Variants in RIMS1 observed in about 807,000 individuals in gnomAD.
The protein encoded by RIMS1 is regulating synaptic membrane exocytosis protein 1.
In RIMS1, 83 loss-of-function variants were observed where a neutral mutation model predicts 214.1. That is an observed-to-expected ratio of 0.39 (90% confidence interval 0.32 to 0.47). The LOEUF is 0.47. RIMS1 is among the 20% of genes least tolerant of loss of function. The pLI, the probability that RIMS1 is intolerant of heterozygous loss-of-function variation, is 0.99. For missense variants in RIMS1, 2,050 were observed against 2,161.8 expected (o/e 0.95, Z 1.03); for synonymous variants, 793 against 786.8 (o/e 1.01, Z -0.13).
chr6:71,973,100 G>A (rs955985740), intron 2 of RIMS1, among the ~76,000 whole-genome samples: 4 of 152,328 alleles, frequency 2.6e-5, no homozygotes, highest in Admixed American at 1.3e-4. Flanking sequence ...AGTAGAGACA[G>A]GGTTTCACCA....
intron 2 of RIMS1, among the ~76,000 whole-genome samples, chr6:72,077,129 T>A (rs529752354): frequency 1.3e-5 from 2 of 152,206 alleles, no homozygotes; most frequent in South Asian, 4.2e-4. Context: ...CCCACATGAG[T>A]GGAAGGCGTG....
intron 1 of RIMS1, 107 bp downstream of exon 1, chr6:71,887,294 G>A: frequency 1.4e-6 from 2 of 1,441,702 alleles, no homozygotes; most frequent in Non-Finnish European, 1.9e-6. Flanking sequence ...GGCTGCCAGG[G>A]TGCTGGGTGC....
At chr6:72,181,831 G>A (rs2048447545) in intron 5 of RIMS1, among the ~76,000 whole-genome samples, 1 of 152,184 alleles carries the variant, frequency 6.6e-6, no homozygotes, top group African/African-American at 2.4e-5. Flanking sequence ...AGGTAGAGAT[G>A]AGAAAAAGTA....
chr6:72,286,051 G>T (rs2092200624), intron 24 of RIMS1, among the ~76,000 whole-genome samples: 1 of 152,120 alleles, frequency 6.6e-6, no homozygotes, highest in Non-Finnish European at 1.5e-5. Context: ...TACAAAAGTA[G>T]CTGGGCCTGG....
chr6:72,155,565 C>T lies in RIMS1; in HGVS notation c.472-24010C>T, dbSNP rs922095285. 8.5e-5 allele frequency among the ~76,000 whole-genome samples: 12 copies of T among 141,334 alleles called. 1 individual carries two copies. Among genetic ancestry groups the T allele is most frequent in the African/African-American group, 2.9e-4 (12 of 40,746 alleles). 92.7% of individuals were successfully genotyped at this position (141,334 alleles called of 152,430 possible). On this transcript the variant is annotated intron_variant, in intron 4 of 33. Transcript: ENST00000521978. ...AAAGAAGGAGGTTTAATTGGACTTA[C>T]AGTTCCACATGGCTGGGGAAGCCCC...
chr6:72,093,772 C>T (rs1361318358), intron 2 of RIMS1, among the ~76,000 whole-genome samples: 2 of 151,714 alleles, frequency 1.3e-5, no homozygotes, highest in Non-Finnish European at 2.9e-5. Context: ...TTTCTCATTC[C>T]GTATTTTTTC....
intron 11 of RIMS1, among the ~76,000 whole-genome samples, chr6:72,247,681 C>G (rs796134308): frequency 3.3e-5 from 5 of 152,032 alleles, no homozygotes; most frequent in African/African-American, 1.2e-4. Flanking sequence ...AATAGATGAT[C>G]CATTAGCCAA....
chr6:72,148,032 T>C (rs1443619978), intron 4 of RIMS1, among the ~76,000 whole-genome samples: 1 of 152,168 alleles, frequency 6.6e-6, no homozygotes, highest in African/African-American at 2.4e-5. Flanking sequence ...ACCTTCATGT[T>C]GTAAAAGTTA....
At chr6:72,056,079 G>A (rs1304091901) in intron 2 of RIMS1, among the ~76,000 whole-genome samples, 1 of 50,884 alleles carries the variant, frequency 2.0e-5, no homozygotes, top group East Asian at 5.7e-4. Context: ...ATACTATGCA[G>A]CCATAAAAAA....
rs2154220503 is a variant in RIMS1, at chr6:72,284,075, A to C, written c.3511A>C (p.Ile1171Leu). 6.2e-7 allele frequency: 1 copy of C among 1,613,248 alleles called. No individual in the cohort carries two copies. The highest frequency in any genetic ancestry group is 1.6e-4 in the Middle Eastern group (1 of 6,062). The change falls in exon 24 of 34, where the codon ATC (isoleucine) becomes CTC (leucine). Residue 1171 changes from isoleucine to leucine, a missense_variant. Transcript: ENST00000521978. ...RHSRKSERSSIQKQTRKGTAS... is the reference protein window; with the variant it reads ...RHSRKSERSSLQKQTRKGTAS... Reference sequence around the variant, plus strand: ...CTCCAGAAAGTCTGAAAGATCTAGCATCCAAAAACAGACTAGGAAAGGCAC... The same window carrying C: ...CTCCAGAAAGTCTGAAAGATCTAGCCTCCAAAAACAGACTAGGAAAGGCAC...
intron 4 of RIMS1, among the ~76,000 whole-genome samples, chr6:72,139,931 A>T (rs1041495729): frequency 6.6e-6 from 1 of 152,178 alleles, no homozygotes; most frequent in Non-Finnish European, 1.5e-5. Context: ...AGAGGCTTGA[A>T]GATTGATTTA....
At chr6:72,018,452 C>A (rs511211) in intron 2 of RIMS1, among the ~76,000 whole-genome samples, 66,617 of 151,828 alleles carry the variant, frequency 0.44, 15,570 homozygotes, top group Non-Finnish European at 0.52. Flanking sequence ...ATTTTAGACA[C>A]GATAAATCTG....
At chr6:72,196,377 G>GTTTGTCTATCTATCTA (rs1334799674) in intron 6 of RIMS1, among the ~76,000 whole-genome samples, 349 of 144,070 alleles carry the variant, frequency 2.4e-3, no homozygotes, top group African/African-American at 3.4e-3. Context: ...CTGTCTGTCT[G>GTTTGTCTATCTATCTA]TCTATCTATC....
At chr6:71,987,751 T>G (rs1800453972) in intron 2 of RIMS1, among the ~76,000 whole-genome samples, 1 of 152,158 alleles carries the variant, frequency 6.6e-6, no homozygotes, top group Admixed American at 6.6e-5. Flanking sequence ...GACTTATTAG[T>G]CAAGGGTTTG....
chr6:71,979,459 C>T (rs189977262), intron 2 of RIMS1, among the ~76,000 whole-genome samples: 1 of 152,126 alleles, frequency 6.6e-6, no homozygotes. Context: ...AAATTTTAGT[C>T]ATATACATGA....
intron 4 of RIMS1, among the ~76,000 whole-genome samples, chr6:72,133,987 G>A (rs1208140108): frequency 6.6e-6 from 1 of 152,096 alleles, no homozygotes; most frequent in Non-Finnish European, 1.5e-5. Context: ...GCAAAGTGGA[G>A]TTAGTAATGC....
chr6:72,059,931 C>CTTTTTA (rs770537981), intron 2 of RIMS1, among the ~76,000 whole-genome samples: 4 of 151,896 alleles, frequency 2.6e-5, no homozygotes, highest in East Asian at 3.9e-4. Context: ...AATGAAGCGG[C>CTTTTTA]TTTTTATTTT....
intron 6 of RIMS1, among the ~76,000 whole-genome samples, chr6:72,205,051 T>C (rs2052666578): frequency 1.3e-5 from 2 of 152,172 alleles, no homozygotes; most frequent in South Asian, 4.1e-4. Context: ...TACAGAAACT[T>C]CTCCTAATTA....
chr6:72,040,908 T>C (rs1240793572), intron 2 of RIMS1, among the ~76,000 whole-genome samples: 21 of 151,888 alleles, frequency 1.4e-4, no homozygotes, highest in Non-Finnish European at 1.5e-5. Flanking sequence ...AAATATTTGG[T>C]GTGTCCCTAC....
Sources: allele counts gnomAD v4.1 joint callset (sites outside exome capture counted in the v4.1 genomes callset), GRCh38; gene constraint gnomAD v4.1.1; transcripts MANE v1.5; gene names NCBI Gene and HGNC (gene_info 2026-07-23, HGNC 2026-07-21).